Variants in CDKL5 observed in about 807,000 individuals in gnomAD.
CDKL5 encodes the protein cyclin dependent kinase like 5.
A neutral mutation model predicts 61.7 loss-of-function variants in CDKL5; 8 were observed. That is an observed-to-expected ratio of 0.13 (90% CI 0.08 to 0.23). The LOEUF (loss-of-function observed/expected upper bound fraction) is 0.23. Ranked by LOEUF, CDKL5 falls within the 10% of genes least tolerant of loss-of-function variation. CDKL5 has a pLI of 1.00. For synonymous variants in CDKL5, 275 were observed against 272.3 expected, an observed-to-expected ratio of 1.01 and a Z score of -0.10; for missense variants, 440 against 734.5, an observed-to-expected ratio of 0.60 and a Z score of 4.63.
intron 1 of CDKL5, among the ~76,000 whole-genome samples, chrX:18,447,837 T>C (rs1012529351): frequency 9.0e-6 from 1 of 111,454 alleles, no homozygotes; most frequent in Non-Finnish European, 1.9e-5. Context: ...TCTAAATTTC[T>C]AAATTCTTTT....
At chrX:18,603,807 C>T (rs1926250174) in intron 11 of CDKL5, 95 bp from the exon 12 acceptor site, 1 of 991,085 alleles carries the variant, frequency 1.0e-6, no homozygotes, top group Non-Finnish European at 1.4e-6. Context: ...TTTAGTCTTC[C>T]AGGTGTTTTG....
intron 3 of CDKL5, among the ~76,000 whole-genome samples, chrX:18,541,280 C>T (rs1227488682): frequency 9.0e-6 from 1 of 111,542 alleles, no homozygotes; most frequent in Non-Finnish European, 1.9e-5. Flanking sequence ...TCTGTTTGTC[C>T]CATCCTTCTG....
chrX:18,633,320 AACTT>A lies in CDKL5; in HGVS notation c.*4569_*4572del. On this transcript the variant is annotated 3_prime_UTR_variant, in exon 18 of 18. Coordinates refer to ENST00000623535, the MANE Select transcript of CDKL5 (RefSeq NM_001323289.2). ...ACTAAGAAAGTGTGTAGGCAGAGAA[AACTT>A]ACTTATGGTTTGAAGAACCACAATT... is the stretch of plus-strand genomic sequence containing the variant. 1 of 754,202 alleles carries A rather than the reference AACTT, an allele frequency of 1.3e-6. No homozygotes were observed. Among genetic ancestry groups the A allele is most frequent in the Non-Finnish European group, 1.6e-6 (1 of 639,215 alleles). The allele number at this position is 754,202 out of a possible 1,213,427, so 62.2% of individuals were successfully genotyped here. A position where few individuals can be genotyped will look rare whatever the true frequency, so the allele number is the denominator to read the frequency against.
intron 3 of CDKL5, among the ~76,000 whole-genome samples, chrX:18,527,730 A>T (rs1000772671): frequency 6.3e-5 from 7 of 110,582 alleles, no homozygotes; most frequent in African/African-American, 1.6e-4. Flanking sequence ...GTAATTAAAA[A>T]TTTTTTTTCT....
chrX:18,470,604 A>C (rs1171628796), intron 1 of CDKL5, among the ~76,000 whole-genome samples: 1 of 111,198 alleles, frequency 9.0e-6, no homozygotes, highest in Non-Finnish European at 1.9e-5. Context: ...TAAGGAACTT[A>C]TATGGTAATC....
chrX:18,493,996 C>T (rs772340763), intron 1 of CDKL5, among the ~76,000 whole-genome samples: 1 of 111,408 alleles, frequency 9.0e-6, no homozygotes, highest in African/African-American at 3.3e-5. Context: ...CTCTCTGCAG[C>T]TTCGACTTCC....
At position 18,542,203 on chromosome X, in the gene CDKL5, G is replaced by C. The variant is rs974613594; in HGVS notation, c.100-22274G>C. On this transcript the variant is annotated intron_variant, in intron 3 of 17. Transcript: ENST00000623535. The stretch of plus-strand genomic sequence containing the variant: ...CACCCACTGAGAGGGGCTCCTTGCT[G>C]CTGCTTTGTTGGGTGGGAATTCCAG... Among the ~76,000 whole-genome samples the C allele has an allele frequency of 3.6e-5, 4 of 111,429 alleles. No homozygotes were observed. The Admixed American group carries it at 3.8e-4, about 11-fold the overall frequency.
At chrX:18,598,723 A>G (rs1026562179) in intron 11 of CDKL5, 110 bp downstream of exon 11, 139 of 725,186 alleles carry the variant, frequency 1.9e-4, no homozygotes, top group Middle Eastern at 6.7e-4. Context: ...AGCCCTCTTT[A>G]TTCAAAAATA....
intron 15 of CDKL5, among the ~76,000 whole-genome samples, chrX:18,614,203 C>G (rs758135511): frequency 8.9e-6 from 1 of 111,948 alleles, no homozygotes; most frequent in African/African-American, 3.2e-5. Context: ...CAATTTGGAC[C>G]CTGTTGATAA....
intron 3 of CDKL5, among the ~76,000 whole-genome samples, chrX:18,550,904 CAATTTGGTGTG>C (rs1924361667): frequency 8.9e-6 from 1 of 112,773 alleles, no homozygotes; most frequent in Non-Finnish European, 1.9e-5. Flanking sequence ...CATTTGCAGA[CAATTTGGTGTG>C]AATTTGGTGT....
At chrX:18,515,260 G>A (rs1241541691) in intron 3 of CDKL5, among the ~76,000 whole-genome samples, 1 of 112,387 alleles carries the variant, frequency 8.9e-6, no homozygotes, top group Non-Finnish European at 1.9e-5. Flanking sequence ...GGCTTGTACA[G>A]CTTGATAGAG....
In CDKL5 at chrX:18,541,370, GTTTC is replaced by G. The variant is rs773367271; in HGVS notation, c.100-23103_100-23100del. On this transcript the variant is annotated intron_variant, in intron 3 of 17. Coordinates refer to ENST00000623535, the MANE Select transcript of CDKL5 (RefSeq NM_001323289.2). ...GTCTCTGTTCATTTTTCCCCCATCTGTTTCTTTTCTGTTGTTAAGATTGGATTAT... is the reference window on the plus strand; with the variant it reads ...GTCTCTGTTCATTTTTCCCCCATCTGTTTTCTGTTGTTAAGATTGGATTAT... Among the ~76,000 whole-genome samples the G allele has an allele frequency of 7.2e-5, 8 of 111,763 alleles. No individual in the cohort carries two copies. In the South Asian group the frequency reaches 3.0e-3, roughly 42 times the overall value.
Position 18,633,918 on chromosome X carries a change from C to T in CDKL5, c.*5161C>T. The T allele has an allele frequency of 5.3e-6, 4 of 754,011 alleles. No individual in the cohort carries two copies. Among genetic ancestry groups the T allele is most frequent in the Non-Finnish European group, 6.3e-6 (4 of 639,240 alleles). The allele number at this position is 754,011 out of a possible 1,213,427, so 62.1% of individuals were successfully genotyped here. A position where few individuals can be genotyped will look rare whatever the true frequency, so the allele number is the denominator to read the frequency against. ...TCATGACCCGCCTTGCATTTTCATT[C>T]ATCACCTGTTTATGCCCAAATTTAA... On this transcript the variant is annotated 3_prime_UTR_variant, in exon 18 of 18. Coordinates refer to ENST00000623535, the MANE Select transcript of CDKL5 (RefSeq NM_001323289.2).
At chrX:18,555,811 C>T (rs1208488712) in intron 3 of CDKL5, among the ~76,000 whole-genome samples, 1 of 112,238 alleles carries the variant, frequency 8.9e-6, no homozygotes, top group African/African-American at 3.2e-5. Flanking sequence ...TTACATAAAG[C>T]AGAGGTCCAA....
chrX:18,517,317 T>C (rs902790966), intron 3 of CDKL5, among the ~76,000 whole-genome samples: 1 of 111,578 alleles, frequency 9.0e-6, no homozygotes, highest in Admixed American at 9.6e-5. Context: ...TTTCAAATCC[T>C]TGGGATTATC....
intron 1 of CDKL5, among the ~76,000 whole-genome samples, chrX:18,438,789 C>CAA (rs1196032367): frequency 1.0e-4 from 3 of 29,373 alleles, no homozygotes; most frequent in East Asian, 1.1e-3. Flanking sequence ...ACCTCCGTCT[C>CAA]AAAAAAAAAA....
chrX:18,497,703 GA>G (rs1328764624), intron 1 of CDKL5, among the ~76,000 whole-genome samples: 4 of 111,180 alleles, frequency 3.6e-5, no homozygotes, highest in African/African-American at 1.3e-4. Flanking sequence ...AATTATAAGT[GA>G]ATGTCTATTT....
downstream of CDKL5, chrX:18,641,858 A>T (rs1602308545): frequency 2.8e-5 from 5 of 178,929 alleles, no homozygotes; most frequent in Non-Finnish European, 4.6e-5. Context: ...GCTATATCTT[A>T]AAAAAAAAAA....
At position 18,604,744 on chromosome X, in the gene CDKL5, G is replaced by A. The variant is rs1184514220; in HGVS notation, c.1820G>A (p.Arg607His). 8.3e-7 allele frequency: 1 copy of A among 1,209,832 alleles called. No individual in the cohort carries two copies. The highest frequency in any genetic ancestry group is 1.1e-6 in the Non-Finnish European group (1 of 895,170). ...GYTSPFSSQQ[R>H]PHRHSMYVTR... ...ACCAGCCCCTTTTCTTCCCAGCAACGTCCTCATAGGCATTCTATGTATGTG... is the reference window on the plus strand; with the variant it reads ...ACCAGCCCCTTTTCTTCCCAGCAACATCCTCATAGGCATTCTATGTATGTG... The change falls in exon 12 of 18, where the codon CGT (arginine) becomes CAT (histidine). Residue 607 changes from arginine (R) to histidine (H), a missense_variant. Physicochemically the swap from Arg to His is conservative, Grantham distance 29. This residue lies in a region of CDKL5 where 363 missense variants were observed against 516.3 expected (regional missense o/e 0.70). Coordinates refer to ENST00000623535, the MANE Select transcript of CDKL5 (RefSeq NM_001323289.2).
Sources: gnomAD v4.1 joint callset for allele counts (sites outside exome capture counted in the v4.1 genomes callset) on GRCh38, gnomAD v4.1.1 for gene constraint, gnomAD v4.1.1 regional missense constraint, MANE v1.5 for transcripts, NCBI Gene and HGNC (gene_info 2026-07-23, HGNC 2026-07-21) for gene names.